Variants in RAD21 observed in about 807,000 individuals in gnomAD.
RAD21 encodes the protein double-strand-break repair protein rad21 homolog.
A neutral mutation model predicts 71.5 loss-of-function variants in RAD21; 18 were observed. The ratio of observed to expected loss-of-function variants is 0.25; its 90% CI spans 0.17 to 0.37. The LOEUF is 0.37. Ranked by LOEUF, RAD21 falls within the 10% of genes least tolerant of loss-of-function variation. The pLI is 1.00. For synonymous variants in RAD21, 248 were observed against 254.0 expected (o/e 0.98, Z 0.22); for missense variants, 493 against 769.1 (o/e 0.64, Z 4.25).
chr8:116,846,380 A>G lies in RAD21; in HGVS notation c.*1120T>C, dbSNP rs987203152. On this transcript the variant is annotated 3_prime_UTR_variant, in exon 14 of 14. Transcript: ENST00000297338. ...AAAAAGTTAAGACATTCTGATAATC[A>G]TAACAGTCACATGATTTCTGATGCT... 3.5e-5 allele frequency: 8 copies of G among 229,448 alleles called. No homozygotes were observed. Among genetic ancestry groups the G allele is most frequent in the Non-Finnish European group, 6.9e-5 (8 of 115,590 alleles). The allele number at this position is 229,448 out of a possible 1,614,324, so 14.2% of individuals were successfully genotyped here. A position where few individuals can be genotyped will look rare whatever the true frequency, so the allele number is the denominator to read the frequency against.
rs1293278125 is a variant in RAD21, at chr8:116,856,743, G to A, written c.717C>T (p.Gly239=). ...GGGCAGGGGGATCATCAAAGATACC[G>A]CCATCATTATTACTAATAAGTTTGT... is the stretch of plus-strand genomic sequence containing the variant. ...LDDKLISNND[G]GIFDDPPALS... Residue 239 remains glycine (G), a synonymous_variant, in exon 7 of 14, where the codon GGC becomes GGT. Coordinates refer to ENST00000297338, the MANE Select transcript of RAD21 (RefSeq NM_006265.3). The A allele has an allele frequency of 4.5e-6, 7 of 1,548,374 alleles. No homozygotes were observed. Among genetic ancestry groups the A allele is most frequent in the African/African-American group, 4.2e-5 (3 of 72,044 alleles).
At chr8:116,854,126 A>C in intron 9 of RAD21, 119 bp downstream of exon 9, 1 of 749,122 alleles carries the variant, frequency 1.3e-6, no homozygotes, top group African/African-American at 2.1e-5. Flanking sequence ...AGGGAGAAAA[A>C]AGAAAATGTG....
At chr8:116,854,176 G>T in intron 9 of RAD21, 69 bp downstream of exon 9, 3 of 1,270,346 alleles carry the variant, frequency 2.4e-6, no homozygotes, top group Non-Finnish European at 3.3e-6. Context: ...ATGATTCAAA[G>T]GTTTTAGAAT....
At chr8:116,852,357 C>A in intron 10 of RAD21, 192 bp downstream of exon 10, 1 of 699,476 alleles carries the variant, frequency 1.4e-6, no homozygotes. Flanking sequence ...CCTGCCAGTT[C>A]TGAACCTTAA....
rs766673627 is a variant in RAD21 at position 116,857,347 on chromosome 8, T to C, written c.608A>G (p.Asn203Ser). 19 of 1,612,692 alleles carry C rather than the reference T, an allele frequency of 1.2e-5. No homozygotes were observed. The highest frequency in any genetic ancestry group is 2.2e-5 in the East Asian group (1 of 44,798). Reference sequence around the variant, plus strand: ...ATATTCTAAATGGTTAATTTTCTCATTCAGATTGCTGGTGCTCTGTTCAGA... The same window carrying C: ...ATATTCTAAATGGTTAATTTTCTCACTCAGATTGCTGGTGCTCTGTTCAGA... ...LESEQSTSNL[N>S]EKINHLEYED... The change falls in exon 6 of 14, where the codon AAT becomes AGT. Residue 203 changes from asparagine to serine, a missense_variant. Asn to Ser is a conservative substitution (Grantham distance 46). Around this residue, in one of 5 missense-constraint regions of RAD21, gnomAD observed 165 missense variants for 229.6 expected, o/e 0.72. Coordinates refer to ENST00000297338, the MANE Select transcript of RAD21 (RefSeq NM_006265.3).
At chr8:116,848,742 A>C (rs1006800472) in intron 13 of RAD21, 8 of 434,572 alleles carry the variant, frequency 1.8e-5, no homozygotes, top group Non-Finnish European at 2.8e-5. Flanking sequence ...TATGTATTTA[A>C]TTAAAACTTA....
At chr8:116,864,346 G>A (rs1244681371) in intron 2 of RAD21, among the ~76,000 whole-genome samples, 1 of 152,048 alleles carries the variant, frequency 6.6e-6, no homozygotes, top group Non-Finnish European at 1.5e-5. Flanking sequence ...ATTATGATTA[G>A]TATATTGTTA....
chr8:116,855,293 TAC>T (rs1812439007), intron 8 of RAD21, among the ~76,000 whole-genome samples: 2 of 152,214 alleles, frequency 1.3e-5, no homozygotes, highest in Non-Finnish European at 2.9e-5. Context: ...ATGTCTAAAT[TAC>T]ACTGTAATCA....
intron 2 of RAD21, among the ~76,000 whole-genome samples, chr8:116,864,374 T>G (rs1287195537): frequency 6.6e-6 from 1 of 152,166 alleles, no homozygotes; most frequent in Non-Finnish European, 1.5e-5. Context: ...AAGAAAATGT[T>G]GTATTTTAAA....
intron 3 of RAD21, among the ~76,000 whole-genome samples, chr8:116,862,651 T>C (rs1812613690): frequency 6.6e-6 from 1 of 152,080 alleles, no homozygotes; most frequent in African/African-American, 2.4e-5. Flanking sequence ...AAATATTAAT[T>C]ATCTTCTTAG....
intron 1 of RAD21, among the ~76,000 whole-genome samples, chr8:116,870,256 G>A (rs1387975241): frequency 6.6e-6 from 1 of 152,164 alleles, no homozygotes; most frequent in East Asian, 1.9e-4. Flanking sequence ...GCTAGCGGTG[G>A]TGGCTCACGC....
intron 2 of RAD21, among the ~76,000 whole-genome samples, chr8:116,863,992 C>T (rs1812642067): frequency 6.6e-6 from 1 of 151,240 alleles, no homozygotes; most frequent in East Asian, 1.9e-4. Flanking sequence ...GAAAGCATAC[C>T]GATTTAAAAA....
intron 7 of RAD21, 82 bp from the exon 8 acceptor site, chr8:116,856,370 T>C: frequency 7.6e-7 from 1 of 1,323,044 alleles, no homozygotes; most frequent in Non-Finnish European, 9.8e-7. Flanking sequence ...AGGAGAAAAA[T>C]CTCTTCATGA....
chr8:116,852,713 TAAAAA>T lies in RAD21; in HGVS notation c.1162-10_1162-6del, dbSNP rs369816312. 4.2e-6 allele frequency: 5 copies of T among 1,178,882 alleles called. 1 individual carries two copies. The South Asian group carries it at 1.0e-4, about 25-fold the overall frequency. The allele number at this position is 1,178,882 out of a possible 1,614,324, so 73.0% of individuals were successfully genotyped here. ...TGTAAGACAGCGTGTAAAGAGCTAT[TAAAAA>T]AAAAAAAAAGAAAAATTTCAATTAT... On this transcript the variant is annotated splice_polypyrimidine_tract_variant and splice_region_variant and intron_variant, in intron 9 of 13. Transcript: ENST00000297338.
At chr8:116,863,744 C>G (rs1391179587) in intron 2 of RAD21, among the ~76,000 whole-genome samples, 1 of 152,042 alleles carries the variant, frequency 6.6e-6, no homozygotes, top group African/African-American at 2.4e-5. Context: ...TCTTCCTTCC[C>G]TCTTTCCTGC....
chr8:116,857,476 A>G lies in RAD21; in HGVS notation c.482-3T>C, dbSNP rs766325281. ...ACGATCATCCATTCCAAAATCACCT[A>G]AACAAATTTTAATTTGTCATTAGTT... On this transcript the variant is annotated splice_region_variant and splice_polypyrimidine_tract_variant and intron_variant, in intron 5 of 13. Transcript: ENST00000297338. The G allele has an allele frequency of 2.0e-5, 33 of 1,610,662 alleles. No individual in the cohort carries two copies. Among genetic ancestry groups the G allele is most frequent in the Non-Finnish European group, 2.5e-5 (29 of 1,178,052 alleles).
rs1812625790 is a variant in RAD21 at position 116,863,236 on chromosome 8, T to C, written c.168A>G (p.Ser56=). 1.9e-6 allele frequency: 3 copies of C among 1,611,556 alleles called. No homozygotes were observed. ...GAACTACTCCCAGTAAGAGATGTCC[T>C]GATGTCCGTAATGCCATTTTCACCT... ...SPKVKMALRT[S]GHLLLGVVRI... The change falls in exon 3 of 14, where the codon TCA becomes TCG. Residue 56 remains serine, a synonymous_variant. Coordinates refer to ENST00000297338, the MANE Select transcript of RAD21 (RefSeq NM_006265.3).
chr8:116,859,442 T>C (rs1367136500), intron 4 of RAD21, among the ~76,000 whole-genome samples: 1 of 152,116 alleles, frequency 6.6e-6, no homozygotes, highest in East Asian at 1.9e-4. Flanking sequence ...GATCTTACTA[T>C]ATTGCCCAGG....
At chr8:116,863,997 T>TA (rs912791896) in intron 2 of RAD21, among the ~76,000 whole-genome samples, 10 of 149,894 alleles carry the variant, frequency 6.7e-5, no homozygotes, top group African/African-American at 1.7e-4. Flanking sequence ...CATACCGATT[T>TA]AAAAAAAAAA....
Sources: allele counts gnomAD v4.1 joint callset (sites outside exome capture counted in the v4.1 genomes callset), GRCh38; gene constraint gnomAD v4.1.1; regional missense constraint gnomAD v4.1.1; transcripts MANE v1.5; gene names NCBI Gene and HGNC (gene_info 2026-07-23, HGNC 2026-07-21).